The following NLRP5 variants were observed in gnomAD, a reference collection of about 807,000 sequenced individuals.
NLRP5 encodes the protein NACHT, LRR and PYD domains-containing protein 5.
A neutral mutation model predicts 113.1 loss-of-function variants in NLRP5; 93 were observed. The ratio of observed to expected loss-of-function variants is 0.82; its 90% CI spans 0.70 to 0.98. NLRP5 has a LOEUF of 0.98. Ranked by LOEUF, NLRP5 falls within the 50% of genes least tolerant of loss-of-function variation. The pLI, the probability that NLRP5 is intolerant of heterozygous loss-of-function variation, is 0.00. For missense variants in NLRP5, 1,808 were observed against 1,514.3 expected (o/e 1.19, Z -3.22); for synonymous variants, 751 against 600.7 (o/e 1.25, Z -3.66).
chr19:56,017,274 A>G (rs1399185289), intron 4 of NLRP5, among the ~76,000 whole-genome samples: 2 of 151,894 alleles, frequency 1.3e-5, no homozygotes, highest in African/African-American at 4.8e-5. Context: ...TGGTATTTCC[A>G]TCTTGTATTT....
At position 56,053,817 on chromosome 19, in the gene NLRP5, C is replaced by T. The variant is rs1228175338; in HGVS notation, c.3299+9C>T. 9 of 1,610,904 alleles carry T rather than the reference C, an allele frequency of 5.6e-6. No individual in the cohort carries two copies. The highest frequency in any genetic ancestry group is 1.3e-5 in the African/African-American group (1 of 74,834). On this transcript the variant is annotated intron_variant, in intron 13 of 14. Transcript: ENST00000390649. ...GTTCTGGCGAGACTCGGGTAACTTC[C>T]TGGGGCGCCTCTTTGCGGGCCGGGC... is the stretch of plus-strand genomic sequence containing the variant.
rs10404625 is a variant in NLRP5, at chr19:56,025,819, A to C, written c.680-1094A>C. 3.7e-3 allele frequency among the ~76,000 whole-genome samples: 552 copies of C among 150,802 alleles called. 8 individuals carry two copies. The highest frequency in any genetic ancestry group is 0.013 in the African/African-American group (530 of 41,038). ...GGTGTAGAACTTGGGGCCATGGTAC[A>C]TGCATCCGTGGCTCCCTCAAGTTCC... On this transcript the variant is annotated intron_variant, in intron 6 of 14. Coordinates refer to ENST00000390649, the MANE Select transcript of NLRP5 (RefSeq NM_153447.4).
chr19:56,034,019 C>T (rs1462161347), intron 9 of NLRP5, among the ~76,000 whole-genome samples: 1 of 152,236 alleles, frequency 6.6e-6, no homozygotes, highest in Non-Finnish European at 1.5e-5. Context: ...GTCCTCCCCG[C>T]TTGGCCTCCC....
At chr19:56,060,354 C>T (rs540572874) in intron 14 of NLRP5, among the ~76,000 whole-genome samples, 2 of 152,186 alleles carry the variant, frequency 1.3e-5, no homozygotes, top group South Asian at 4.1e-4. Context: ...CTTGTCCATC[C>T]CTATATGAGA....
chr19:56,058,454 G>C, intron 14 of NLRP5, 44 bp downstream of exon 14: 1 of 1,538,086 alleles, frequency 6.5e-7, no homozygotes, highest in Admixed American at 2.0e-5. Flanking sequence ...ACCTGCTTCT[G>C]TTCCAGGCTT....
chr19:56,039,224 G>C (rs1983430244), intron 10 of NLRP5, among the ~76,000 whole-genome samples: 1 of 152,200 alleles, frequency 6.6e-6, no homozygotes, highest in African/African-American at 2.4e-5. Flanking sequence ...GTGATGCCGG[G>C]AGTCAAGGGT....
intron 11 of NLRP5, among the ~76,000 whole-genome samples, chr19:56,050,134 G>T (rs1983875542): frequency 6.6e-6 from 1 of 152,036 alleles, no homozygotes; most frequent in Non-Finnish European, 1.5e-5. Flanking sequence ...ACAAAAATTA[G>T]CCAGGCGTGG....
chr19:56,008,189 A>C (rs1321805894), intron 2 of NLRP5, among the ~76,000 whole-genome samples: 1 of 151,770 alleles, frequency 6.6e-6, no homozygotes, highest in Non-Finnish European at 1.5e-5. Context: ...CAGCCTCCTA[A>C]AGTGCTGGGA....
chr19:56,008,175 G>A lies in NLRP5; in HGVS notation c.443-613G>A, dbSNP rs1393518368. ...GATCTCCTGACCTCGTGATCCACCTGCCTCAGCCTCCTAAAGTGCTGGGAT... is the reference window on the plus strand; with the variant it reads ...GATCTCCTGACCTCGTGATCCACCTACCTCAGCCTCCTAAAGTGCTGGGAT... On this transcript the variant is annotated intron_variant, in intron 2 of 14. Coordinates refer to ENST00000390649, the MANE Select transcript of NLRP5 (RefSeq NM_153447.4). 2.0e-5 allele frequency among the ~76,000 whole-genome samples: 3 copies of A among 151,780 alleles called. No individual in the cohort carries two copies. The East Asian group carries it at 5.8e-4, about 29-fold the overall frequency.
chr19:56,043,692 AGTAGCTG>A (rs1292590888), intron 11 of NLRP5, among the ~76,000 whole-genome samples: 18 of 150,782 alleles, frequency 1.2e-4, no homozygotes, highest in African/African-American at 3.4e-4. Context: ...CAGCCTCTCG[AGTAGCTG>A]GTAGCTGGGA....
chr19:56,006,616 C>T (rs1981923739), intron 2 of NLRP5, among the ~76,000 whole-genome samples: 1 of 152,000 alleles, frequency 6.6e-6, no homozygotes, highest in African/African-American at 2.4e-5. Flanking sequence ...CCTGTAATCC[C>T]AGCTACTTGG....
At chr19:56,056,985 C>T (rs773042484) in intron 13 of NLRP5, among the ~76,000 whole-genome samples, 7 of 151,764 alleles carry the variant, frequency 4.6e-5, no homozygotes, top group African/African-American at 1.5e-4. Flanking sequence ...ACTAAAAATA[C>T]AAAAATTAGG....
chr19:56,053,557 CA>C, intron 12 of NLRP5, 80 bp from the exon 13 acceptor site: 1 of 1,280,654 alleles, frequency 7.8e-7, no homozygotes, highest in Non-Finnish European at 1.1e-6. Context: ...AAGGAAACTC[CA>C]GTTAATGCTG....
intron 3 of NLRP5, among the ~76,000 whole-genome samples, chr19:56,014,931 T>C (rs1666819163): frequency 6.6e-6 from 1 of 152,174 alleles, no homozygotes; most frequent in African/African-American, 2.4e-5. Context: ...CTTTACAATT[T>C]CTGCAAGCAA....
chr19:56,040,167 G>C (rs553061414), intron 10 of NLRP5, among the ~76,000 whole-genome samples: 1 of 152,014 alleles, frequency 6.6e-6, no homozygotes, highest in Non-Finnish European at 1.5e-5. Context: ...GGCTGGTCTC[G>C]AACTCCTGGG....
At position 56,003,715 on chromosome 19, in the gene NLRP5, G is replaced by C; in HGVS notation, c.63-1G>C. 1.3e-6 allele frequency: 2 copies of C among 1,588,700 alleles called. No homozygotes were observed. Among genetic ancestry groups the C allele is most frequent in the Non-Finnish European group, 1.7e-6 (2 of 1,169,098 alleles). On this transcript the variant is annotated splice_acceptor_variant, in intron 1 of 14. Coordinates refer to ENST00000390649, the MANE Select transcript of NLRP5 (RefSeq NM_153447.4). LOFTEE classifies it high-confidence loss of function. ...AATTTGCTGCAAGATCCTCTTTTAA[G>C]TCTTGTCACTCTTTCCACAGGTCCT...
intron 3 of NLRP5, among the ~76,000 whole-genome samples, chr19:56,009,594 C>T (rs1374066328): frequency 1.3e-5 from 2 of 152,098 alleles, no homozygotes; most frequent in Admixed American, 6.6e-5. Context: ...CCAAAGCATA[C>T]GTGTTCATGA....
At chr19:56,023,006 G>A (rs1461843000) in intron 6 of NLRP5, among the ~76,000 whole-genome samples, 3 of 152,162 alleles carry the variant, frequency 2.0e-5, no homozygotes, top group Non-Finnish European at 2.9e-5. Flanking sequence ...GATTACAGGC[G>A]TGAGCCACTG....
upstream of NLRP5, among the ~76,000 whole-genome samples, chr19:55,996,018 C>T (rs1390602342): frequency 7.0e-6 from 1 of 142,502 alleles, no homozygotes; most frequent in African/African-American, 2.6e-5. Context: ...TTACTGAATT[C>T]CTTTATCAGT....
Sources: gnomAD v4.1 joint callset for allele counts (sites outside exome capture counted in the v4.1 genomes callset) on GRCh38, gnomAD v4.1.1 for gene constraint, MANE v1.5 for transcripts, NCBI Gene and HGNC (gene_info 2026-07-23, HGNC 2026-07-21) for gene names.